PKD2: variants seen among roughly 807,000 people sequenced by gnomAD.
PKD2 encodes the protein polycystin-2.
PKD2 carries 48 observed loss-of-function variants against 105.9 expected under a neutral mutation model. That is an observed-to-expected ratio of 0.45 (90% CI 0.36 to 0.58). The LOEUF is 0.58. Among genes scored for constraint, PKD2 ranks in the 20% least tolerant of loss-of-function variants. The pLI, the probability that PKD2 is intolerant of heterozygous loss-of-function variation, is 0.00. For synonymous variants in PKD2, 464 were observed against 481.1 expected, an observed-to-expected ratio of 0.96 and a Z score of 0.46; for missense variants, 1,078 against 1,255.3, an observed-to-expected ratio of 0.86 and a Z score of 2.13.
chr4:88,017,630 G>A (rs180991055), intron 1 of PKD2, among the ~76,000 whole-genome samples: 3 of 152,198 alleles, frequency 2.0e-5, no homozygotes, highest in East Asian at 1.9e-4. Flanking sequence ...GACTGGTCTT[G>A]AACTCCTGAC....
At chr4:88,031,205 A>G (rs953699024) in intron 2 of PKD2, among the ~76,000 whole-genome samples, 3 of 152,188 alleles carry the variant, frequency 2.0e-5, no homozygotes, top group African/African-American at 7.2e-5. Context: ...AGCCTAATGT[A>G]AGTATTCTAA....
chr4:88,041,204 C>T (rs890776759), intron 4 of PKD2, among the ~76,000 whole-genome samples: 3 of 152,180 alleles, frequency 2.0e-5, no homozygotes, highest in African/African-American at 7.2e-5. Context: ...CATTTTTGAG[C>T]CATGTTTCCT....
chr4:88,054,800 G>A (rs985486390), intron 7 of PKD2, among the ~76,000 whole-genome samples: 8 of 151,532 alleles, frequency 5.3e-5, no homozygotes, highest in African/African-American at 1.7e-4. Context: ...GACTACAGGC[G>A]GCTGCCACCA....
intron 2 of PKD2, chr4:88,035,960 T>G (rs1488064285): frequency 4.0e-6 from 2 of 500,672 alleles, no homozygotes; most frequent in African/African-American, 3.9e-5. Flanking sequence ...ACGTTCCTGA[T>G]CTTACATTGA....
chr4:88,018,763 A>C (rs1726647869), intron 1 of PKD2, among the ~76,000 whole-genome samples: 1 of 152,048 alleles, frequency 6.6e-6, no homozygotes, highest in Non-Finnish European at 1.5e-5. Flanking sequence ...TGTTGATTCT[A>C]CTCTTTCTAC....
Position 88,038,499 on chromosome 4 carries a change from C to T in PKD2, c.1092C>T (p.Thr364=), listed in dbSNP as rs149257723. The change falls in exon 4 of 15, where the codon ACC becomes ACT. Residue 364 remains threonine (T), a splice_region_variant and synonymous_variant. Coordinates refer to ENST00000237596, the MANE Select transcript of PKD2 (RefSeq NM_000297.4). The part of the protein sequence containing the change: ...DRAPFGPRNG[T]AWIYTSEKDL... ...CTCCCTTTGGGCCCCGAAATGGAAC[C>T]GCGTAAGTGTCTGTGACTCATTGCC... is the stretch of plus-strand genomic sequence containing the variant. 76 of 1,613,660 alleles carry T rather than the reference C, an allele frequency of 4.7e-5. No individual in the cohort carries two copies. The highest frequency in any genetic ancestry group is 5.4e-5 in the Non-Finnish European group (64 of 1,179,734).
chr4:88,052,558 C>T (rs1328380468), intron 7 of PKD2, among the ~76,000 whole-genome samples: 1 of 152,226 alleles, frequency 6.6e-6, no homozygotes, highest in Non-Finnish European at 1.5e-5. Flanking sequence ...GCATGAGCCA[C>T]CGTGCCAGGC....
At chr4:88,049,461 C>T (rs1727894917) in intron 6 of PKD2, among the ~76,000 whole-genome samples, 1 of 152,176 alleles carries the variant, frequency 6.6e-6, no homozygotes, top group Admixed American at 6.5e-5. Flanking sequence ...ACTTGCTTCA[C>T]TGTGTTTTTC....
intron 1 of PKD2, among the ~76,000 whole-genome samples, chr4:88,015,328 T>C (rs945825834): frequency 6.6e-6 from 1 of 152,186 alleles, no homozygotes; most frequent in Non-Finnish European, 1.5e-5. Context: ...TGGCATTGAG[T>C]TGATATTGTT....
chr4:88,051,838 T>G (rs906120327), intron 6 of PKD2, among the ~76,000 whole-genome samples, 153 bp from the exon 7 acceptor site: 2 of 152,224 alleles, frequency 1.3e-5, no homozygotes, highest in African/African-American at 2.4e-5. Flanking sequence ...ACACTTTCCA[T>G]TTGAGTGAGT....
Position 88,065,870 on chromosome 4 carries a change from G to A in PKD2, c.2349G>A (p.Glu783=). Reference sequence around the variant, plus strand: ...ATCAGCAGATGAGAGACGACTTGGAGAAAGAGAGGGTGGGTCTGGTTTAGG... The same window carrying A: ...ATCAGCAGATGAGAGACGACTTGGAAAAAGAGAGGGTGGGTCTGGTTTAGG... ...HEHQQMRDDL[E]KEREDLDLDH... Residue 783 remains glutamate (E), a synonymous_variant, in exon 12 of 15, where the codon GAG becomes GAA. Coordinates refer to ENST00000237596, the MANE Select transcript of PKD2 (RefSeq NM_000297.4). 1 of 1,594,826 alleles carries A rather than the reference G, an allele frequency of 6.3e-7. No homozygotes were observed. The highest frequency in any genetic ancestry group is 8.6e-7 in the Non-Finnish European group (1 of 1,162,426).
At chr4:88,029,796 G>A (rs1397593292) in intron 2 of PKD2, among the ~76,000 whole-genome samples, 1 of 152,192 alleles carries the variant, frequency 6.6e-6, no homozygotes, top group African/African-American at 2.4e-5. Context: ...ATGAAAACGA[G>A]TCAGACGAAG....
At chr4:88,010,839 T>A (rs1726359373) in intron 1 of PKD2, among the ~76,000 whole-genome samples, 1 of 152,364 alleles carries the variant, frequency 6.6e-6, no homozygotes, top group East Asian at 1.9e-4. Flanking sequence ...AGATCTATCT[T>A]CTTAGCAGAA....
At chr4:88,057,482 C>T (rs1720401077) in intron 8 of PKD2, among the ~76,000 whole-genome samples, 1 of 147,242 alleles carries the variant, frequency 6.8e-6, no homozygotes, top group Non-Finnish European at 1.5e-5. Flanking sequence ...ATCGCCCAAG[C>T]TAGAGTGCAG....
chr4:88,056,121 C>T lies in PKD2; in HGVS notation c.1752C>T (p.Ser584=), dbSNP rs1457776452. The T allele has an allele frequency of 1.9e-6, 3 of 1,613,322 alleles. No homozygotes were observed. Among genetic ancestry groups the T allele is most frequent in the East Asian group, 4.5e-5 (2 of 44,890 alleles). ...TCATCAATTTTAACAGGACCATGAG[C>T]CAGCTCTCGACAACCATGTCTCGAT... ...FKFINFNRTM[S]QLSTTMSRCA... The change falls in exon 8 of 15, where the codon AGC becomes AGT. Residue 584 remains serine, a synonymous_variant. Transcript: ENST00000237596.
chr4:88,057,849 C>T, intron 8 of PKD2, 134 bp from the exon 9 acceptor site: 1 of 725,846 alleles, frequency 1.4e-6, no homozygotes, highest in Non-Finnish European at 2.5e-6. Flanking sequence ...ATGGGATTGA[C>T]AATTTTCTGT....
chr4:88,026,243 C>T (rs1008217042), intron 2 of PKD2, among the ~76,000 whole-genome samples: 1 of 152,114 alleles, frequency 6.6e-6, no homozygotes, highest in Non-Finnish European at 1.5e-5. Context: ...CAATGAAGTC[C>T]AGGCTGAGAT....
At chr4:88,022,232 A>G (rs991398021) in intron 2 of PKD2, among the ~76,000 whole-genome samples, 14 of 152,126 alleles carry the variant, frequency 9.2e-5, no homozygotes, top group African/African-American at 3.4e-4. Context: ...CCATTTTTCC[A>G]TTCTGTTGAA....
chr4:88,015,622 A>G (rs1474653895), intron 1 of PKD2, among the ~76,000 whole-genome samples: 1 of 152,292 alleles, frequency 6.6e-6, no homozygotes, highest in African/African-American at 2.4e-5. Context: ...AGGTTTCACC[A>G]TGTTAGATAG....
Sources: allele counts gnomAD v4.1 joint callset (sites outside exome capture counted in the v4.1 genomes callset), GRCh38; gene constraint gnomAD v4.1.1; transcripts MANE v1.5; gene names NCBI Gene and HGNC (gene_info 2026-07-23, HGNC 2026-07-21).